The following TMEM200A variants were observed in gnomAD, a reference collection of about 807,000 sequenced individuals.
TMEM200A encodes transmembrane protein 200A.
TMEM200A carries 12 observed loss-of-function variants against 24.3 expected under a neutral mutation model. The ratio of observed to expected loss-of-function variants is 0.49; its 90% CI spans 0.32 to 0.80. TMEM200A has a LOEUF of 0.80. Ranked by LOEUF, TMEM200A falls within the 30% of genes least tolerant of loss-of-function variation. TMEM200A has a pLI of 0.04. For synonymous variants in TMEM200A, 224 were observed against 224.4 expected (o/e 1.00, Z 0.02); for missense variants, 545 against 614.4 (o/e 0.89, Z 1.19).
At chr6:130,385,790 T>TCA (rs1778699268) in intron 2 of TMEM200A, among the ~76,000 whole-genome samples, 1 of 152,190 alleles carries the variant, frequency 6.6e-6, no homozygotes, top group Non-Finnish European at 1.5e-5. Flanking sequence ...CTATGTAATC[T>TCA]CATATTATTT....
chr6:130,397,654 C>G (rs1042028353), intron 2 of TMEM200A, among the ~76,000 whole-genome samples: 2 of 151,450 alleles, frequency 1.3e-5, no homozygotes, highest in African/African-American at 4.8e-5. Context: ...AAATTTCTGG[C>G]TTTTATCTGG....
chr6:130,387,073 ATTCT>A (rs1470481249), intron 2 of TMEM200A, among the ~76,000 whole-genome samples: 1 of 152,258 alleles, frequency 6.6e-6, no homozygotes, highest in East Asian at 1.9e-4. Context: ...GATCTTTAAG[ATTCT>A]TTCTAATTGT....
chr6:130,402,322 G>A (rs1398817), intron 2 of TMEM200A, among the ~76,000 whole-genome samples: 46,713 of 151,828 alleles, frequency 0.31, 10,415 homozygotes, highest in African/African-American at 0.63. Flanking sequence ...GAGAGACAAC[G>A]CTGTTCATGG....
At chr6:130,395,909 A>G (rs1778941835) in intron 2 of TMEM200A, among the ~76,000 whole-genome samples, 1 of 152,232 alleles carries the variant, frequency 6.6e-6, no homozygotes, top group Non-Finnish European at 1.5e-5. Context: ...TTGGCTATCC[A>G]GTTGGTCATA....
At chr6:130,382,972 T>C (rs1778635504) in intron 1 of TMEM200A, 6 of 972,702 alleles carry the variant, frequency 6.2e-6, no homozygotes, top group Non-Finnish European at 6.1e-6. Flanking sequence ...CCCTAGTGAC[T>C]CTAGATCAGG....
At chr6:130,433,690 A>G (rs914025048) in intron 2 of TMEM200A, among the ~76,000 whole-genome samples, 8 of 152,362 alleles carry the variant, frequency 5.3e-5, no homozygotes, top group African/African-American at 1.7e-4. Context: ...CTCAAGGCAT[A>G]GATTAATTTT....
chr6:130,380,352 C>G (rs1262313928), intron 1 of TMEM200A, among the ~76,000 whole-genome samples: 2 of 152,148 alleles, frequency 1.3e-5, no homozygotes, highest in South Asian at 2.1e-4. Context: ...CATCTGCAGG[C>G]TTACTGCTAA....
At chr6:130,411,449 C>G (rs901828526) in intron 2 of TMEM200A, among the ~76,000 whole-genome samples, 3 of 152,142 alleles carry the variant, frequency 2.0e-5, no homozygotes, top group Non-Finnish European at 2.9e-5. Flanking sequence ...ACAACATAAC[C>G]TTCAAATTCA....
At chr6:130,393,733 G>A (rs771667424) in intron 2 of TMEM200A, among the ~76,000 whole-genome samples, 2 of 152,178 alleles carry the variant, frequency 1.3e-5, no homozygotes, top group Non-Finnish European at 2.9e-5. Context: ...ATGGTGTACA[G>A]TTTTCTCAGC....
chr6:130,433,140 T>A (rs1004178745), intron 2 of TMEM200A, among the ~76,000 whole-genome samples: 1 of 151,308 alleles, frequency 6.6e-6, no homozygotes, highest in Non-Finnish European at 1.5e-5. Flanking sequence ...GATGATCTTT[T>A]TTTTTTTTTT....
chr6:130,432,393 G>A (rs576023396), intron 2 of TMEM200A, among the ~76,000 whole-genome samples: 2 of 152,254 alleles, frequency 1.3e-5, no homozygotes, highest in Admixed American at 1.3e-4. Flanking sequence ...TTAAAAGAAA[G>A]GCGTGCTTTA....
At position 130,432,223 on chromosome 6, in the gene TMEM200A, G is replaced by A. The variant is rs116248630; in HGVS notation, c.-16-8184G>A. On this transcript the variant is annotated intron_variant, in intron 2 of 2. Transcript: ENST00000296978. Reference sequence around the variant, plus strand: ...TGTCCCAATGGAAACAGAATAGTGCGTGCAGAATTGATCAGATTACTCATT... The same window carrying A: ...TGTCCCAATGGAAACAGAATAGTGCATGCAGAATTGATCAGATTACTCATT... Among the ~76,000 whole-genome samples, 839 of 152,288 alleles carry A rather than the reference G, an allele frequency of 5.5e-3. 7 individuals carry two copies. The highest frequency in any genetic ancestry group is 0.018 in the African/African-American group (768 of 41,564).
chr6:130,403,541 T>C (rs1442074500), intron 2 of TMEM200A, among the ~76,000 whole-genome samples: 2 of 122,738 alleles, frequency 1.6e-5, no homozygotes, highest in Non-Finnish European at 3.1e-5. Context: ...GAATGAAAAA[T>C]TTATATTTGA....
intron 2 of TMEM200A, among the ~76,000 whole-genome samples, chr6:130,426,470 C>CCG (rs1264985988): frequency 2.0e-5 from 3 of 146,806 alleles, no homozygotes; most frequent in East Asian, 4.0e-4. Context: ...GCCCCCCCCC[C>CCG]CTCAGTTTCC....
chr6:130,436,880 G>A (rs1780035024), intron 2 of TMEM200A, among the ~76,000 whole-genome samples: 1 of 151,780 alleles, frequency 6.6e-6, no homozygotes, highest in Non-Finnish European at 1.5e-5. Context: ...TTGAACTGCT[G>A]GCCACAAGTG....
chr6:130,399,216 T>A (rs1274717043), intron 2 of TMEM200A, among the ~76,000 whole-genome samples: 1 of 152,092 alleles, frequency 6.6e-6, no homozygotes, highest in Non-Finnish European at 1.5e-5. Context: ...ATTTTCTGTT[T>A]TTCTTGTGTA....
intron 2 of TMEM200A, among the ~76,000 whole-genome samples, chr6:130,418,681 G>A (rs1477764049): frequency 6.6e-6 from 1 of 152,102 alleles, no homozygotes. Flanking sequence ...AAAATCACAG[G>A]CTTTAGAGTC....
At chr6:130,389,333 T>C (rs1210321173) in intron 2 of TMEM200A, among the ~76,000 whole-genome samples, 2 of 152,178 alleles carry the variant, frequency 1.3e-5, no homozygotes, top group Middle Eastern at 3.2e-3. Context: ...CCTCCTGTAG[T>C]GCACTGAACA....
chr6:130,365,720 C>A (rs1452136854), upstream of TMEM200A: 4 of 985,326 alleles, frequency 4.1e-6, no homozygotes, highest in Admixed American at 6.1e-5. Flanking sequence ...CGCCTGCAAG[C>A]GGGTACTTTG....
Sources: allele counts gnomAD v4.1 joint callset (sites outside exome capture counted in the v4.1 genomes callset), GRCh38; gene constraint gnomAD v4.1.1; transcripts MANE v1.5; gene names NCBI Gene and HGNC (gene_info 2026-07-23, HGNC 2026-07-21).